The following TPRG1 variants were observed in gnomAD, a reference collection of about 807,000 sequenced individuals.
The protein encoded by TPRG1 is tumor protein p63 regulated 1.
Under a neutral mutation model 29.3 loss-of-function variants are expected in TPRG1, and 29 were observed. That is an observed-to-expected ratio of 0.99 (90% CI 0.74 to 1.35). The LOEUF is 1.35. Ranked by LOEUF, TPRG1 falls within the 40% of genes most tolerant of loss-of-function variation. The pLI, the probability that TPRG1 is intolerant of heterozygous loss-of-function variation, is 0.00. For synonymous variants in TPRG1, 130 were observed against 116.8 expected, an observed-to-expected ratio of 1.11 and a Z score of -0.73; for missense variants, 327 against 335.0, an observed-to-expected ratio of 0.98 and a Z score of 0.19.
chr3:189,238,639 C>T, intron 3 of TPRG1, 94 bp from the exon 4 acceptor site: 1 of 1,101,128 alleles, frequency 9.1e-7, no homozygotes, highest in Non-Finnish European at 1.3e-6. Flanking sequence ...GTTGATCAAA[C>T]TTCACTGTTT....
At chr3:189,024,102 G>A (rs1164046386) in intron 4 of TPRG1, among the ~76,000 whole-genome samples, 1 of 152,224 alleles carries the variant, frequency 6.6e-6, no homozygotes, top group Admixed American at 6.5e-5. Context: ...CAGCTGAAAC[G>A]TCTAAACAGC....
At chr3:189,315,746 C>A in intron 5 of TPRG1, 1 of 250,438 alleles carries the variant, frequency 4.0e-6, no homozygotes, top group Non-Finnish European at 8.1e-6. Flanking sequence ...GAGTACTTAC[C>A]TGGCAGTGAC....
chr3:189,087,854 C>G (rs1718060855), intron 4 of TPRG1, among the ~76,000 whole-genome samples: 1 of 152,010 alleles, frequency 6.6e-6, no homozygotes, highest in Non-Finnish European at 1.5e-5. Context: ...CTGTTCTGTT[C>G]CATTGGTCTA....
At chr3:189,021,888 T>A (rs1713335234) in intron 3 of TPRG1, among the ~76,000 whole-genome samples, 1 of 152,224 alleles carries the variant, frequency 6.6e-6, no homozygotes, top group Non-Finnish European at 1.5e-5. Context: ...GTAGATTTGG[T>A]CTTTTCACAT....
intron 1 of TPRG1, among the ~76,000 whole-genome samples, chr3:189,113,703 G>A (rs1720824504): frequency 6.6e-6 from 1 of 151,568 alleles, no homozygotes; most frequent in African/African-American, 2.4e-5. Flanking sequence ...TCACTCATAG[G>A]TGGGAATTGA....
chr3:189,226,851 G>A (rs1338187565), intron 3 of TPRG1, among the ~76,000 whole-genome samples: 3 of 149,848 alleles, frequency 2.0e-5, no homozygotes, highest in Non-Finnish European at 3.0e-5. Flanking sequence ...ACCAATATCA[G>A]GAATGAAACA....
At chr3:189,007,091 C>T (rs1234189939) in intron 3 of TPRG1, among the ~76,000 whole-genome samples, 2 of 151,772 alleles carry the variant, frequency 1.3e-5, no homozygotes, top group African/African-American at 2.4e-5. Flanking sequence ...AAAGAAACTA[C>T]CATCAGAGTG....
intron 5 of TPRG1, among the ~76,000 whole-genome samples, chr3:189,320,234 T>G (rs1180254432): frequency 6.6e-6 from 1 of 152,124 alleles, no homozygotes; most frequent in Non-Finnish European, 1.5e-5. Context: ...TAATTTCAGA[T>G]GCCCTTTCAT....
At chr3:189,276,102 A>C (rs1037715432) in intron 4 of TPRG1, among the ~76,000 whole-genome samples, 8 of 152,174 alleles carry the variant, frequency 5.3e-5, no homozygotes, top group African/African-American at 1.9e-4. Flanking sequence ...ATATGTGATG[A>C]TAACACAAGG....
chr3:189,097,009 T>C (rs752164076), upstream of TPRG1, among the ~76,000 whole-genome samples: 54 of 152,224 alleles, frequency 3.5e-4, no homozygotes, highest in Non-Finnish European at 7.1e-4. Flanking sequence ...TACTCAGTTA[T>C]ATTAAAATTT....
At chr3:189,194,270 A>G (rs1732181263) in intron 1 of TPRG1, among the ~76,000 whole-genome samples, 2 of 152,108 alleles carry the variant, frequency 1.3e-5, no homozygotes, top group East Asian at 1.9e-4. Flanking sequence ...TGTTCTAGGT[A>G]TCAAGCGCTT....
chr3:189,128,002 A>G (rs1722682521), intron 2 of TPRG1, among the ~76,000 whole-genome samples: 1 of 152,200 alleles, frequency 6.6e-6, no homozygotes, highest in African/African-American at 2.4e-5. Context: ...GTCTACCAGG[A>G]CCATCTTATA....
intron 4 of TPRG1, among the ~76,000 whole-genome samples, chr3:189,282,215 C>CAAAAAG: frequency 1.1e-5 from 1 of 94,714 alleles, no homozygotes; most frequent in South Asian, 3.9e-4. Flanking sequence ...TAGTCCTTTC[C>CAAAAAG]AAAAAAAAAA....
At chr3:189,117,122 T>C (rs1721271621) in intron 1 of TPRG1, among the ~76,000 whole-genome samples, 2 of 152,178 alleles carry the variant, frequency 1.3e-5, no homozygotes. Flanking sequence ...TGAGCCAAAG[T>C]GTCATGCAAA....
At chr3:189,197,145 C>T (rs755637285) in intron 1 of TPRG1, among the ~76,000 whole-genome samples, 2 of 152,212 alleles carry the variant, frequency 1.3e-5, no homozygotes, top group Non-Finnish European at 2.9e-5. Flanking sequence ...TAGGCATTGA[C>T]ACCACCAAGC....
chr3:189,039,841 AT>A (rs5855238), intron 4 of TPRG1, among the ~76,000 whole-genome samples: 7 of 148,916 alleles, frequency 4.7e-5, no homozygotes, highest in African/African-American at 9.8e-5. Flanking sequence ...TCTCACTCCT[AT>A]TTTTTTTTTT....
intron 4 of TPRG1, among the ~76,000 whole-genome samples, chr3:189,042,538 G>A (rs1443390369): frequency 6.6e-6 from 1 of 152,128 alleles, no homozygotes; most frequent in Non-Finnish European, 1.5e-5. Flanking sequence ...GGAGGAAGAC[G>A]TTGTATCTTC....
intron 4 of TPRG1, among the ~76,000 whole-genome samples, chr3:189,241,923 G>A (rs917150268): frequency 6.6e-6 from 1 of 152,082 alleles, no homozygotes; most frequent in African/African-American, 2.4e-5. Flanking sequence ...TTTGGGGTAT[G>A]TCTTTATCAG....
At chr3:189,135,274 T>A (rs1278525580) in intron 3 of TPRG1, among the ~76,000 whole-genome samples, 1 of 152,200 alleles carries the variant, frequency 6.6e-6, no homozygotes, top group Non-Finnish European at 1.5e-5. Flanking sequence ...GCAGTTCTAA[T>A]GGTTGTCCAG....
Sources: allele counts gnomAD v4.1 joint callset (sites outside exome capture counted in the v4.1 genomes callset), GRCh38; gene constraint gnomAD v4.1.1; transcripts MANE v1.5; gene names NCBI Gene and HGNC (gene_info 2026-07-23, HGNC 2026-07-21).